RSRC1: variants seen among roughly 807,000 people sequenced by gnomAD.
RSRC1 encodes serine/Arginine-related protein 53.
RSRC1 carries 39 observed loss-of-function variants against 49.1 expected under a neutral mutation model. The ratio of observed to expected loss-of-function variants is 0.79; its 90% CI spans 0.61 to 1.04. The LOEUF (loss-of-function observed/expected upper bound fraction) is 1.04. Among genes scored for constraint, RSRC1 ranks in the 50% least tolerant of loss-of-function variants. The pLI is 0.00. For missense variants in RSRC1, 388 were observed against 402.4 expected (o/e 0.96, Z 0.31); for synonymous variants, 143 against 130.8 (o/e 1.09, Z -0.63).
intron 3 of RSRC1, among the ~76,000 whole-genome samples, chr3:158,179,261 T>G (rs1017362292): frequency 6.6e-6 from 1 of 152,188 alleles, no homozygotes; most frequent in Admixed American, 6.5e-5. Flanking sequence ...TTTGTCCTGT[T>G]TCCCTGATGA....
intron 4 of RSRC1, among the ~76,000 whole-genome samples, chr3:158,215,800 C>T (rs1179409814): frequency 6.6e-6 from 1 of 151,692 alleles, no homozygotes; most frequent in African/African-American, 2.4e-5. Context: ...CCTCATGAGG[C>T]AAAGTTTATA....
intron 6 of RSRC1, among the ~76,000 whole-genome samples, chr3:158,450,002 C>G (rs984063138): frequency 6.6e-6 from 1 of 151,984 alleles, no homozygotes; most frequent in African/African-American, 2.4e-5. Context: ...TAAGTATCAT[C>G]CCCTCCTAGA....
At chr3:158,290,663 A>C (rs1356127513) in intron 4 of RSRC1, among the ~76,000 whole-genome samples, 2 of 152,200 alleles carry the variant, frequency 1.3e-5, no homozygotes, top group African/African-American at 4.8e-5. Context: ...ACATGTAAAA[A>C]TGTTTTCATT....
At chr3:158,205,337 A>C (rs1007037617) in intron 4 of RSRC1, among the ~76,000 whole-genome samples, 2 of 152,074 alleles carry the variant, frequency 1.3e-5, no homozygotes, top group Non-Finnish European at 2.9e-5. Flanking sequence ...CTTTTGTATC[A>C]CTCAGAGCAC....
chr3:158,219,688 C>G (rs907729136), intron 4 of RSRC1, among the ~76,000 whole-genome samples: 1 of 151,518 alleles, frequency 6.6e-6, no homozygotes, highest in Non-Finnish European at 1.5e-5. Flanking sequence ...GGATTGAAGG[C>G]TGAGAGAGAC....
At chr3:158,119,570 TATC>T (rs1290382839) in intron 1 of RSRC1, among the ~76,000 whole-genome samples, 6 of 152,004 alleles carry the variant, frequency 3.9e-5, no homozygotes, top group Non-Finnish European at 5.9e-5. Flanking sequence ...ATGAAATTAT[TATC>T]ATTCAATTGT....
chr3:158,206,008 A>G (rs575716016), intron 4 of RSRC1, among the ~76,000 whole-genome samples: 17 of 152,278 alleles, frequency 1.1e-4, no homozygotes, highest in Admixed American at 5.9e-4. Context: ...GAACTTTACA[A>G]CTATAGGTAA....
intron 3 of RSRC1, among the ~76,000 whole-genome samples, chr3:158,190,838 G>A (rs959191745): frequency 1.3e-5 from 2 of 151,984 alleles, no homozygotes; most frequent in African/African-American, 4.8e-5. Context: ...AGACAATACT[G>A]TGGATGGACT....
Position 158,312,312 on chromosome 3 carries a change from A to G in RSRC1, c.531+14237A>G, listed in dbSNP as rs149815450. On this transcript the variant is annotated intron_variant, in intron 5 of 9. Transcript: ENST00000611884. Reference sequence around the variant, plus strand: ...TGTTTGATCCTTATAGAAAGTTATCAGCCAAGCAGAGCATGAGTAGATCTT... The same window carrying G: ...TGTTTGATCCTTATAGAAAGTTATCGGCCAAGCAGAGCATGAGTAGATCTT... Among the ~76,000 whole-genome samples the G allele has an allele frequency of 8.9e-3, 1,352 of 152,216 alleles. 13 individuals are homozygous for G. The highest frequency in any genetic ancestry group is 0.031 in the African/African-American group (1,283 of 41,526).
intron 1 of RSRC1, among the ~76,000 whole-genome samples, chr3:158,110,787 C>G (rs1440127889): frequency 2.0e-5 from 3 of 152,202 alleles, no homozygotes; most frequent in African/African-American, 7.2e-5. Context: ...AATATGCTCG[C>G]CTTAAACACA....
chr3:158,352,929 T>C (rs557913589), intron 5 of RSRC1, among the ~76,000 whole-genome samples: 40 of 152,342 alleles, frequency 2.6e-4, no homozygotes, highest in African/African-American at 9.6e-4. Flanking sequence ...TTATATTCAG[T>C]AGATATCACA....
chr3:158,425,625 TC>T (rs1038260530), intron 6 of RSRC1, among the ~76,000 whole-genome samples: 1 of 151,870 alleles, frequency 6.6e-6, no homozygotes, highest in African/African-American at 2.4e-5. Context: ...TGAGTTCAAT[TC>T]CTGGGTATCC....
At chr3:158,214,521 A>T (rs1413880379) in intron 4 of RSRC1, among the ~76,000 whole-genome samples, 1 of 151,338 alleles carries the variant, frequency 6.6e-6, no homozygotes, top group African/African-American at 2.4e-5. Context: ...ACCTTAGATT[A>T]TTGATTTGTG....
intron 6 of RSRC1, 67 bp downstream of exon 6, chr3:158,354,975 C>T: frequency 9.7e-7 from 1 of 1,026,622 alleles, no homozygotes; most frequent in Non-Finnish European, 1.4e-6. Flanking sequence ...TGGTAGCATG[C>T]TTAGAAATGA....
At chr3:158,150,286 G>A (rs1208503454) in intron 3 of RSRC1, among the ~76,000 whole-genome samples, 1 of 152,104 alleles carries the variant, frequency 6.6e-6, no homozygotes. Flanking sequence ...TCCATTTATT[G>A]CACCAGTATA....
chr3:158,342,675 C>G (rs376672636), intron 5 of RSRC1, among the ~76,000 whole-genome samples: 1 of 152,142 alleles, frequency 6.6e-6, no homozygotes, highest in Non-Finnish European at 1.5e-5. Context: ...TCACAAGATT[C>G]TTGTTAGTAT....
chr3:158,457,938 T>C (rs766949939), intron 6 of RSRC1, among the ~76,000 whole-genome samples: 1 of 152,076 alleles, frequency 6.6e-6, no homozygotes, highest in Non-Finnish European at 1.5e-5. Flanking sequence ...ATTTATAGTC[T>C]GAGGGTAGGG....
At chr3:158,285,599 G>A (rs1726484484) in intron 4 of RSRC1, among the ~76,000 whole-genome samples, 1 of 151,988 alleles carries the variant, frequency 6.6e-6, no homozygotes, top group African/African-American at 2.4e-5. Flanking sequence ...CTTTGAAGAG[G>A]TCCTTCACAT....
intron 5 of RSRC1, among the ~76,000 whole-genome samples, chr3:158,328,738 T>C (rs1374803616): frequency 3.3e-5 from 5 of 152,084 alleles, no homozygotes; most frequent in Admixed American, 3.3e-4. Flanking sequence ...TCTCGAGGAG[T>C]ATCTTTGTGG....
Sources: allele counts gnomAD v4.1 joint callset (sites outside exome capture counted in the v4.1 genomes callset), GRCh38; gene constraint gnomAD v4.1.1; transcripts MANE v1.5; gene names NCBI Gene and HGNC (gene_info 2026-07-23, HGNC 2026-07-21).